CERT1: variants seen among roughly 807,000 people sequenced by gnomAD.
CERT1 encodes the protein ceramide transfer protein.
CERT1 carries 31 observed loss-of-function variants against 87.9 expected under a neutral mutation model. The ratio of observed to expected loss-of-function variants is 0.35; its 90% CI spans 0.27 to 0.48. CERT1 has a LOEUF of 0.48. Ranked by LOEUF, CERT1 falls within the 20% of genes least tolerant of loss-of-function variation. CERT1 has a pLI of 0.99. For synonymous variants in CERT1, 289 were observed against 250.9 expected (o/e 1.15, Z -1.44); for missense variants, 487 against 758.0 (o/e 0.64, Z 4.20).
chr5:75,388,401 T>A (rs944869729), intron 12 of CERT1, among the ~76,000 whole-genome samples: 6 of 150,116 alleles, frequency 4.0e-5, no homozygotes, highest in African/African-American at 1.5e-4. Context: ...ACATTATAAT[T>A]TTTTTCCTAA....
intron 8 of CERT1, among the ~76,000 whole-genome samples, chr5:75,409,509 A>C (rs1035133879): frequency 6.6e-6 from 1 of 152,024 alleles, no homozygotes; most frequent in African/African-American, 2.4e-5. Flanking sequence ...CCATTTTTAA[A>C]CTGCTCATTT....
chr5:75,438,071 T>A lies in CERT1; in HGVS notation c.349-11593A>T, dbSNP rs73763102. ...TTACACAAAATAGAGCTATTTCAAATCATTTTGGTGATTTTAGAATAAAAA... is the reference window on the plus strand; with the variant it reads ...TTACACAAAATAGAGCTATTTCAAAACATTTTGGTGATTTTAGAATAAAAA... On this transcript the variant is annotated intron_variant, in intron 3 of 16. Transcript: ENST00000643780. Among the ~76,000 whole-genome samples the A allele has an allele frequency of 4.6e-5, 7 of 152,150 alleles. No individual in the cohort carries two copies. The South Asian group carries it at 1.4e-3, about 32-fold the overall frequency.
intron 2 of CERT1, among the ~76,000 whole-genome samples, chr5:75,473,013 G>GTTGA (rs1669523180): frequency 6.6e-6 from 1 of 152,324 alleles, no homozygotes; most frequent in African/African-American, 2.4e-5. Context: ...CAACCTCAGT[G>GTTGA]TCCATTAACA....
intron 2 of CERT1, among the ~76,000 whole-genome samples, chr5:75,475,016 A>G (rs1185026395): frequency 6.6e-6 from 1 of 152,114 alleles, no homozygotes; most frequent in Non-Finnish European, 1.5e-5. Context: ...AGCTATATCT[A>G]GTACCTAACA....
intron 5 of CERT1, among the ~76,000 whole-genome samples, chr5:75,422,830 T>C (rs988593891): frequency 3.3e-5 from 5 of 152,138 alleles, no homozygotes; most frequent in Non-Finnish European, 5.9e-5. Flanking sequence ...TAATCCACTA[T>C]GACTGTACAA....
At chr5:75,445,380 T>C (rs999708554) in intron 3 of CERT1, among the ~76,000 whole-genome samples, 1 of 152,262 alleles carries the variant, frequency 6.6e-6, no homozygotes, top group Admixed American at 6.5e-5. Context: ...AAGCATTTCT[T>C]GCAGTGCAGG....
chr5:75,417,098 T>G, intron 6 of CERT1, 65 bp from the exon 7 acceptor site: 1 of 1,272,952 alleles, frequency 7.9e-7, no homozygotes. Context: ...CAATTTAAGA[T>G]TAGAAAATGT....
chr5:75,469,090 A>C (rs1010264165), intron 2 of CERT1, among the ~76,000 whole-genome samples: 5 of 152,226 alleles, frequency 3.3e-5, no homozygotes, highest in African/African-American at 1.2e-4. Flanking sequence ...GCAAATGACA[A>C]GATGAGAAAA....
intron 3 of CERT1, among the ~76,000 whole-genome samples, chr5:75,442,287 T>A (rs1764355635): frequency 6.6e-6 from 1 of 152,320 alleles, no homozygotes; most frequent in African/African-American, 2.4e-5. Context: ...GGTCTAGTAA[T>A]CTCAGCTCAT....
At chr5:75,501,664 G>A (rs887623934) in intron 2 of CERT1, among the ~76,000 whole-genome samples, 1 of 152,136 alleles carries the variant, frequency 6.6e-6, no homozygotes, top group Non-Finnish European at 1.5e-5. Flanking sequence ...CAAATGCCCA[G>A]AAGAGAGTCC....
chr5:75,375,257 A>G (rs1223792767), downstream of CERT1: 1 of 152,538 alleles, frequency 6.6e-6, no homozygotes, highest in African/African-American at 2.4e-5. Context: ...TTTAATCAAC[A>G]AACATGCTCA....
intron 2 of CERT1, among the ~76,000 whole-genome samples, chr5:75,476,906 A>G (rs539644316): frequency 6.6e-6 from 1 of 152,288 alleles, no homozygotes; most frequent in East Asian, 1.9e-4. Context: ...TTGTACTCCG[A>G]GATGGGGGAA....
rs1422818771 is a variant in CERT1, at chr5:75,385,897, C to A, written c.1417+5G>T. The stretch of plus-strand genomic sequence containing the variant: ...GATTAAAATATATTAATAATGACAG[C>A]TTACTTTCCCAGTCATTGCGAACGT... On this transcript the variant is annotated splice_donor_5th_base_variant and intron_variant, in intron 13 of 16. Transcript: ENST00000643780. The A allele has an allele frequency of 1.6e-5, 24 of 1,491,768 alleles. No individual in the cohort carries two copies. Among genetic ancestry groups the A allele is most frequent in the Non-Finnish European group, 2.0e-5 (22 of 1,121,148 alleles). 92.4% of individuals were successfully genotyped at this position (1,491,768 alleles called of 1,614,324 possible).
intron 17 of CERT1, chr5:75,370,295 T>C (rs781458352): frequency 6.6e-6 from 1 of 152,178 alleles, no homozygotes; most frequent in African/African-American, 2.4e-5. Context: ...CTGAGTGAAA[T>C]GGAAGTCCAC....
chr5:75,413,825 T>C (rs1763027748), intron 7 of CERT1, among the ~76,000 whole-genome samples: 1 of 152,084 alleles, frequency 6.6e-6, no homozygotes, highest in Non-Finnish European at 1.5e-5. Context: ...CTGGTAGAAA[T>C]AATCACTTTG....
At chr5:75,507,110 T>G (rs750720085) in intron 1 of CERT1, among the ~76,000 whole-genome samples, 1 of 152,184 alleles carries the variant, frequency 6.6e-6, no homozygotes. Context: ...TTGAGATTGA[T>G]TCACTTCTTA....
chr5:75,384,543 G>T, intron 14 of CERT1, 99 bp downstream of exon 14: 1 of 724,162 alleles, frequency 1.4e-6, no homozygotes, highest in Non-Finnish European at 2.3e-6. Context: ...TTGGATTTTT[G>T]TGGCTTTTAA....
intron 2 of CERT1, among the ~76,000 whole-genome samples, chr5:75,503,105 T>C (rs758883420): frequency 1.3e-5 from 2 of 152,046 alleles, no homozygotes; most frequent in Non-Finnish European, 2.9e-5. Flanking sequence ...AGATAAAGAA[T>C]ATTGTTTTTA....
chr5:75,506,976 T>G (rs1242738538), intron 1 of CERT1, among the ~76,000 whole-genome samples: 1 of 152,112 alleles, frequency 6.6e-6, no homozygotes, highest in Non-Finnish European at 1.5e-5. Context: ...TATAGAAAAA[T>G]CTCAAAAACT....
Sources: gnomAD v4.1 joint callset for allele counts (sites outside exome capture counted in the v4.1 genomes callset) on GRCh38, gnomAD v4.1.1 for gene constraint, MANE v1.5 for transcripts, NCBI Gene and HGNC (gene_info 2026-07-23, HGNC 2026-07-21) for gene names.